MOV10L1: variants seen among roughly 807,000 people sequenced by gnomAD.
MOV10L1 encodes RNA helicase Mov10l1.
In MOV10L1, 110 loss-of-function variants were observed where a neutral mutation model predicts 143.8. The observed-to-expected ratio is 0.76, with a 90% CI of 0.66 to 0.90. MOV10L1 has a LOEUF of 0.90. Ranked by LOEUF, MOV10L1 falls within the 40% of genes least tolerant of loss-of-function variation. The pLI, the probability that MOV10L1 is intolerant of heterozygous loss-of-function variation, is 0.00. For missense variants in MOV10L1, 1,406 were observed against 1,526.8 expected (o/e 0.92, Z 1.32); for synonymous variants, 593 against 581.1 (o/e 1.02, Z -0.29).
At chr22:50,108,103 A>G (rs923635781) in intron 3 of MOV10L1, 33 bp from the exon 4 acceptor site, 25 of 1,595,502 alleles carry the variant, frequency 1.6e-5, no homozygotes, top group Non-Finnish European at 1.9e-5. Flanking sequence ...GTGCACTTTA[A>G]CACTACCATG....
chr22:50,115,651 A>G (rs1205709569), intron 8 of MOV10L1, among the ~76,000 whole-genome samples: 2 of 152,210 alleles, frequency 1.3e-5, no homozygotes, highest in East Asian at 1.9e-4. Flanking sequence ...ACCTGGGGCA[A>G]TGGATCCTGT....
rs1296747477 is a variant in MOV10L1, at chr22:50,144,130, G to C, written c.2392G>C (p.Val798Leu). ...HFALPDSRILVCAPSNSAADL... is the reference protein window; with the variant it reads ...HFALPDSRILLCAPSNSAADL... ...TGCCTTGCCGGACAGTCGGATTTTAGTCTGTGCGCCCTCCAACAGTGCTGC... is the reference window on the plus strand; with the variant it reads ...TGCCTTGCCGGACAGTCGGATTTTACTCTGTGCGCCCTCCAACAGTGCTGC... Residue 798 changes from valine (V) to leucine (L), a missense_variant, in exon 18 of 27, where the codon GTC (valine) becomes CTC (leucine). Val to Leu is a conservative substitution (Grantham distance 32, BLOSUM62 1). Around this residue, in one of 3 missense-constraint regions of MOV10L1, gnomAD observed 1,233 missense variants for 1,351.4 expected, o/e 0.91. Transcript: ENST00000262794. 3.7e-6 allele frequency: 6 copies of C among 1,612,312 alleles called. No homozygotes were observed. The highest frequency in any genetic ancestry group is 4.2e-6 in the Non-Finnish European group (5 of 1,178,502).
In MOV10L1 at chr22:50,090,054, G is replaced by GCGGCGGCGA. The variant is rs1555970917; in HGVS notation, c.-29_-28insCGACGGCGG. On this transcript the variant is annotated 5_prime_UTR_variant, in exon 1 of 27. Transcript: ENST00000262794. ...GCGCGGGCGCGTGCGGGCGGCGGCA[G>GCGGCGGCGA]CGGCGGTGACGGCAGCCTAGGCCGG... The GCGGCGGCGA allele has an allele frequency of 1.3e-6, 1 of 789,018 alleles. No individual in the cohort carries two copies. The highest frequency in any genetic ancestry group is 1.6e-6 in the Non-Finnish European group (1 of 628,746). 48.9% of individuals were successfully genotyped at this position (789,018 alleles called of 1,614,324 possible). A position where few individuals can be genotyped will look rare whatever the true frequency, so the allele number is the denominator to read the frequency against.
intron 5 of MOV10L1, chr22:50,109,697 C>T (rs2061970524): frequency 9.3e-6 from 2 of 215,272 alleles, no homozygotes; most frequent in Middle Eastern, 8.4e-4. Context: ...AAAAAATTAG[C>T]CGAGCATGGT....
At position 50,147,580 on chromosome 22, in the gene MOV10L1, C is replaced by T. The variant is rs562544334; in HGVS notation, c.2627+1770C>T. ...GTGCTGCAGGCCGCTCTCTCAGAGG[C>T]GCTCTGTGCAGAAGCAGGGAGGGTG... is the stretch of plus-strand genomic sequence containing the variant. On this transcript the variant is annotated intron_variant, in intron 19 of 26. Transcript: ENST00000262794. Among the ~76,000 whole-genome samples, 9 of 151,498 alleles carry T rather than the reference C, an allele frequency of 5.9e-5. No individual in the cohort carries two copies. In the South Asian group the frequency reaches 1.0e-3, roughly 18 times the overall value.
intron 19 of MOV10L1, among the ~76,000 whole-genome samples, chr22:50,149,155 C>T (rs921268521): frequency 2.6e-5 from 4 of 152,220 alleles, no homozygotes; most frequent in East Asian, 3.9e-4. Flanking sequence ...CGCTTTACAG[C>T]GGCCAGTTCA....
chr22:50,155,194 TAAC>T (rs1416600921), intron 22 of MOV10L1, among the ~76,000 whole-genome samples: 2 of 152,128 alleles, frequency 1.3e-5, no homozygotes, highest in African/African-American at 2.4e-5. Flanking sequence ...GTTAATGGTT[TAAC>T]AACAACAGCA....
At chr22:50,132,307 T>A (rs2062700236) in intron 13 of MOV10L1, among the ~76,000 whole-genome samples, 1 of 152,216 alleles carries the variant, frequency 6.6e-6, no homozygotes, top group African/African-American at 2.4e-5. Context: ...TCTTCTTACA[T>A]GGATTTTAGG....
chr22:50,119,334 G>A (rs1467721654), intron 9 of MOV10L1, among the ~76,000 whole-genome samples: 1 of 152,120 alleles, frequency 6.6e-6, no homozygotes, highest in Non-Finnish European at 1.5e-5. Flanking sequence ...GGGCATTGGC[G>A]GGTGCCTGCT....
Position 50,120,524 on chromosome 22 carries a change from A to G in MOV10L1, c.1477A>G (p.Ser493Gly). 1 of 1,611,514 alleles carries G rather than the reference A, an allele frequency of 6.2e-7. No individual in the cohort carries two copies. Among genetic ancestry groups the G allele is most frequent in the Non-Finnish European group, 8.5e-7 (1 of 1,178,934 alleles). ...QKRNSRRQLP[S>G]FLPQYPIPDR... ...AAGGAACTCAAGACGACAACTTCCA[A>G]GTTTTCTTCCCCAATATCCAATCCC... The change falls in exon 10 of 27, where the codon AGT (serine) becomes GGT (glycine). Residue 493 changes from serine (S) to glycine (G), a missense_variant. By Grantham distance (56) the Ser-to-Gly change is moderately conservative. Coordinates refer to ENST00000262794, the MANE Select transcript of MOV10L1 (RefSeq NM_018995.3).
chr22:50,098,200 C>G (rs1026116920), intron 2 of MOV10L1, among the ~76,000 whole-genome samples: 2 of 148,942 alleles, frequency 1.3e-5, no homozygotes, highest in Admixed American at 1.3e-4. Context: ...CTAAGATTGT[C>G]ATCTTAATAA....
chr22:50,132,952 C>T (rs1008299426), intron 13 of MOV10L1, among the ~76,000 whole-genome samples: 3 of 152,012 alleles, frequency 2.0e-5, no homozygotes, highest in African/African-American at 7.2e-5. Flanking sequence ...AGGAGAATTG[C>T]TTGAACCCAG....
intron 1 of MOV10L1, chr22:50,090,578 C>G: frequency 6.5e-7 from 1 of 1,549,820 alleles, no homozygotes; most frequent in Non-Finnish European, 8.8e-7. Flanking sequence ...GAACGCGCTG[C>G]GCCAAGGCGT....
chr22:50,124,377 T>C (rs2062435157), intron 10 of MOV10L1, among the ~76,000 whole-genome samples: 1 of 152,246 alleles, frequency 6.6e-6, no homozygotes, highest in Non-Finnish European at 1.5e-5. Context: ...CTTTTGCACA[T>C]AACGTTGTTT....
At chr22:50,104,104 C>A (rs2061810950) in intron 3 of MOV10L1, among the ~76,000 whole-genome samples, 1 of 152,106 alleles carries the variant, frequency 6.6e-6, no homozygotes, top group Admixed American at 6.5e-5. Context: ...CAACCTAGAT[C>A]CCTCGCATGC....
chr22:50,107,200 G>A (rs1489506106), intron 3 of MOV10L1, among the ~76,000 whole-genome samples: 3 of 151,266 alleles, frequency 2.0e-5, no homozygotes, highest in Admixed American at 6.6e-5. Flanking sequence ...TCAGCCTCCC[G>A]AGTAGCTGGG....
intron 15 of MOV10L1, among the ~76,000 whole-genome samples, chr22:50,138,135 A>G (rs964041890): frequency 7.2e-5 from 11 of 152,184 alleles, no homozygotes; most frequent in African/African-American, 2.7e-4. Context: ...TCTTTTACCT[A>G]CAAAAACCTA....
intron 9 of MOV10L1, among the ~76,000 whole-genome samples, chr22:50,118,353 G>A (rs1404016944): frequency 2.0e-5 from 3 of 152,112 alleles, no homozygotes; most frequent in African/African-American, 7.2e-5. Flanking sequence ...ATTGAATGAG[G>A]TCAGACATGT....
chr22:50,101,302 G>A (rs1263650297), intron 3 of MOV10L1, among the ~76,000 whole-genome samples: 3 of 152,198 alleles, frequency 2.0e-5, no homozygotes, highest in Middle Eastern at 3.4e-3. Context: ...TTCAAGCTCC[G>A]CCTTCCAGGT....
Sources: allele counts gnomAD v4.1 joint callset (sites outside exome capture counted in the v4.1 genomes callset), GRCh38; gene constraint gnomAD v4.1.1; regional missense constraint gnomAD v4.1.1; transcripts MANE v1.5; gene names NCBI Gene and HGNC (gene_info 2026-07-23, HGNC 2026-07-21).